Variants in HS1BP3 observed in about 807,000 individuals in gnomAD.
The protein encoded by HS1BP3 is HCLS1-binding protein 3.
A neutral mutation model predicts 33.5 loss-of-function variants in HS1BP3; 32 were observed. The ratio of observed to expected loss-of-function variants is 0.95; its 90% CI spans 0.72 to 1.28. The LOEUF (loss-of-function observed/expected upper bound fraction) is 1.28, where lower values mean the gene tolerates loss of function less well. Among genes scored for constraint, HS1BP3 ranks in the 50% most tolerant of loss-of-function variants. The pLI is 0.00. For missense variants in HS1BP3, 486 were observed against 502.3 expected, an observed-to-expected ratio of 0.97 and a Z score of 0.31; for synonymous variants, 187 against 209.2, an observed-to-expected ratio of 0.89 and a Z score of 0.92.
chr2:20,640,207 G>C (rs1207257005), intron 3 of HS1BP3: 1 of 152,344 alleles, frequency 6.6e-6, no homozygotes, highest in Non-Finnish European at 1.5e-5. Context: ...TGTCCTGGGG[G>C]CATCTGTGAG....
chr2:20,632,554 C>T (rs552296873), intron 4 of HS1BP3, among the ~76,000 whole-genome samples: 15 of 152,284 alleles, frequency 9.9e-5, no homozygotes, highest in South Asian at 2.1e-4. Context: ...GTTCCTCAGT[C>T]GTAACAACAG....
intron 4 of HS1BP3, 28 bp downstream of exon 4, chr2:20,638,407 AG>A: frequency 1.3e-6 from 2 of 1,596,540 alleles, no homozygotes; most frequent in South Asian, 2.2e-5. Flanking sequence ...AATACACCAA[AG>A]GGGCCCTCTC....
chr2:20,596,802 T>A (rs1693952204), intron 3 of HS1BP3, among the ~76,000 whole-genome samples: 1 of 152,224 alleles, frequency 6.6e-6, no homozygotes, highest in South Asian at 2.1e-4. Context: ...CCGTTTGTCC[T>A]ACACACAAAT....
At chr2:20,601,085 AT>A (rs1254046693) in intron 2 of HS1BP3, among the ~76,000 whole-genome samples, 1 of 152,226 alleles carries the variant, frequency 6.6e-6, no homozygotes, top group Non-Finnish European at 1.5e-5. Context: ...GCATATTCTC[AT>A]GCCTTCTTGC....
intron 2 of HS1BP3, among the ~76,000 whole-genome samples, chr2:20,641,716 C>G (rs888848974): frequency 3.3e-5 from 5 of 152,202 alleles, no homozygotes; most frequent in Non-Finnish European, 7.4e-5. Flanking sequence ...CGCAGGCACC[C>G]GAGTCAAGCA....
chr2:20,636,540 G>C (rs1319871019), intron 4 of HS1BP3: 1 of 152,272 alleles, frequency 6.6e-6, no homozygotes, highest in African/African-American at 2.4e-5. Flanking sequence ...GGCCTCCAGG[G>C]CTCCGTTTCT....
intron 2 of HS1BP3, among the ~76,000 whole-genome samples, chr2:20,609,408 GC>G: frequency 6.6e-6 from 1 of 152,080 alleles, no homozygotes. Context: ...GGACCTCTGA[GC>G]TCTCCTCCAG....
At chr2:20,577,900 C>T (rs1693439716) in intron 5 of HS1BP3, among the ~76,000 whole-genome samples, 1 of 152,244 alleles carries the variant, frequency 6.6e-6, no homozygotes, top group South Asian at 2.1e-4. Flanking sequence ...ATCAGAACCA[C>T]CTGCAAACAC....
chr2:20,559,538 A>C (rs1389168730), downstream of HS1BP3, among the ~76,000 whole-genome samples: 1 of 151,416 alleles, frequency 6.6e-6, no homozygotes, highest in African/African-American at 2.4e-5. Context: ...GGATGGATGC[A>C]TGGATGGATA....
chr2:20,624,220 G>T (rs1234265167), intron 5 of HS1BP3, among the ~76,000 whole-genome samples, 189 bp from the exon 6 acceptor site: 1 of 152,106 alleles, frequency 6.6e-6, no homozygotes, highest in Non-Finnish European at 1.5e-5. Context: ...AGGGGCCCCC[G>T]GGGCCCTCGG....
At chr2:20,640,633 G>A (rs1695308235) in intron 3 of HS1BP3, 2 of 505,472 alleles carry the variant, frequency 4.0e-6, no homozygotes, top group South Asian at 9.3e-5. Flanking sequence ...GGAGTGTGGG[G>A]TGTGTGTCAG....
chr2:20,640,796 G>A (rs1695315007), intron 3 of HS1BP3, 177 bp downstream of exon 3: 1 of 651,390 alleles, frequency 1.5e-6, no homozygotes, highest in Admixed American at 2.8e-5. Flanking sequence ...CTCAAGGGTA[G>A]GCCTCCTTCT....
intron 4 of HS1BP3, among the ~76,000 whole-genome samples, chr2:20,631,091 G>C (rs6750073): frequency 0.32 from 48,490 of 152,034 alleles, 8,144 homozygotes; most frequent in East Asian, 0.59. Context: ...TTCGCAAGCT[G>C]CCAAGTGGGT....
chr2:20,561,564 C>T (rs1647270868), intron 5 of HS1BP3, among the ~76,000 whole-genome samples: 1 of 152,154 alleles, frequency 6.6e-6, no homozygotes, highest in South Asian at 2.1e-4. Flanking sequence ...CACACATACA[C>T]ACACACCCAC....
intron 4 of HS1BP3, chr2:20,638,038 A>C (rs990292670): frequency 2.3e-5 from 8 of 352,836 alleles, no homozygotes; most frequent in African/African-American, 1.7e-4. Flanking sequence ...CCTGCTATGC[A>C]GATGATGCAG....
chr2:20,596,315 T>G (rs188803318), intron 3 of HS1BP3, among the ~76,000 whole-genome samples: 4 of 152,348 alleles, frequency 2.6e-5, no homozygotes, highest in Non-Finnish European at 5.9e-5. Flanking sequence ...AATATTTGTG[T>G]TCCTCCAAGA....
intron 3 of HS1BP3, among the ~76,000 whole-genome samples, chr2:20,594,631 T>C (rs964270358): frequency 3.3e-5 from 5 of 152,214 alleles, no homozygotes; most frequent in African/African-American, 7.2e-5. Context: ...CCTAGCCAAG[T>C]GCCCTCTGAG....
intron 3 of HS1BP3, among the ~76,000 whole-genome samples, chr2:20,595,835 C>G (rs903463169): frequency 6.6e-6 from 1 of 152,170 alleles, no homozygotes. Context: ...GGGGAGCAGG[C>G]CTCTTGGGGC....
At chr2:20,563,816 G>A (rs1693059651) in intron 5 of HS1BP3, among the ~76,000 whole-genome samples, 1 of 152,098 alleles carries the variant, frequency 6.6e-6, no homozygotes, top group Non-Finnish European at 1.5e-5. Flanking sequence ...ATGGACCAGC[G>A]GTATCGACAT....
Sources: allele counts gnomAD v4.1 joint callset (sites outside exome capture counted in the v4.1 genomes callset), GRCh38; gene constraint gnomAD v4.1.1; transcripts MANE v1.5; gene names NCBI Gene and HGNC (gene_info 2026-07-23, HGNC 2026-07-21).